CLPTM1L: variants seen among roughly 807,000 people sequenced by gnomAD.
The protein encoded by CLPTM1L is CLPTM1 like, also known as lipid scramblase CLPTM1L.
CLPTM1L carries 38 observed loss-of-function variants against 70.9 expected under a neutral mutation model. That is an observed-to-expected ratio of 0.54 (90% CI 0.41 to 0.70). The LOEUF is 0.70. CLPTM1L is among the 30% of genes least tolerant of loss of function. The probability of loss-of-function intolerance (pLI) is 0.00; values close to 1 mark genes in which losing one functional copy is unlikely to be tolerated. For synonymous variants in CLPTM1L, 339 were observed against 299.9 expected (o/e 1.13, Z -1.35); for missense variants, 652 against 705.9 (o/e 0.92, Z 0.87).
intron 4 of CLPTM1L, 147 bp downstream of exon 4, chr5:1,338,713 G>A (rs1292393889): frequency 1.2e-6 from 1 of 833,058 alleles, no homozygotes; most frequent in South Asian, 1.8e-5. Context: ...CCTCAATGAG[G>A]AAGTGGGAAA....
At chr5:1,324,491 C>T (rs967335897) in intron 11 of CLPTM1L, among the ~76,000 whole-genome samples, 12 of 152,212 alleles carry the variant, frequency 7.9e-5, no homozygotes, top group South Asian at 2.1e-4. Flanking sequence ...AGCTGCCTGG[C>T]GAATGTGACT....
At chr5:1,325,689 C>T (rs1019579231) in intron 10 of CLPTM1L, 62 bp downstream of exon 10, 5 of 1,441,040 alleles carry the variant, frequency 3.5e-6, no homozygotes, top group Admixed American at 3.5e-5. Context: ...ACTCTTTGCA[C>T]AGGGGGCAAA....
Position 1,334,373 on chromosome 5 carries a change from C to A in CLPTM1L, c.807G>T (p.Glu269Asp), listed in dbSNP as rs202176072. Reference protein sequence around the residue: ...VYSLQQFGFSEKDADEVKGIF... With the variant: ...VYSLQQFGFSDKDADEVKGIF... ...TTCCTTTCACCTCATCAGCATCTTTCTCTGAAAACCCTGTCAAGGAAAAAA... is the reference window on the plus strand; with the variant it reads ...TTCCTTTCACCTCATCAGCATCTTTATCTGAAAACCCTGTCAAGGAAAAAA... Residue 269 changes from glutamate (E) to aspartate (D), a missense_variant, in exon 7 of 17, where the codon GAG becomes GAT. Physicochemically the swap from Glu to Asp is conservative, Grantham distance 45. Transcript: ENST00000320895. The A allele has an allele frequency of 5.6e-4, 894 of 1,593,876 alleles. No individual in the cohort carries two copies. Among genetic ancestry groups the A allele is most frequent in the Middle Eastern group, 5.0e-4 (3 of 6,024 alleles).
intron 10 of CLPTM1L, chr5:1,325,468 G>C (rs1752465550): frequency 4.0e-6 from 2 of 502,436 alleles, no homozygotes; most frequent in Admixed American, 3.3e-5. Context: ...CCAAAACGAA[G>C]CACACGTGCT....
Position 1,331,894 on chromosome 5 carries a change from C to A in CLPTM1L, c.892-11G>T. On this transcript the variant is annotated splice_polypyrimidine_tract_variant and intron_variant, in intron 7 of 16. Transcript: ENST00000320895. ...GAAATCAAAGAGAAGCTAGAGAGAA[C>A]ACACACGACAGCAACTCACATCTCC... The A allele has an allele frequency of 6.2e-7, 1 of 1,608,708 alleles. No individual in the cohort carries two copies. Among genetic ancestry groups the A allele is most frequent in the South Asian group, 1.1e-5 (1 of 90,992 alleles).
Position 1,342,433 on chromosome 5 carries a change from A to G in CLPTM1L, c.264-573T>C, listed in dbSNP as rs187568602. Among the ~76,000 whole-genome samples, 66 of 152,334 alleles carry G rather than the reference A, an allele frequency of 4.3e-4. No individual in the cohort carries two copies. Among genetic ancestry groups the G allele is most frequent in the African/African-American group, 1.5e-3 (63 of 41,570 alleles). On this transcript the variant is annotated intron_variant, in intron 2 of 16. Transcript: ENST00000320895. This position sits in a 1 kb window ranked among gnomAD's most constrained non-coding sequence, Gnocchi z 4.3. ...CAGTCCTGACTGTGTGGCATCCAGCACGAGCTGAGGAAAGGCCCGGCGAGC... is the reference window on the plus strand; with the variant it reads ...CAGTCCTGACTGTGTGGCATCCAGCGCGAGCTGAGGAAAGGCCCGGCGAGC...
At chr5:1,330,666 G>A in intron 8 of CLPTM1L, 1 of 454,740 alleles carries the variant, frequency 2.2e-6, no homozygotes, top group Non-Finnish European at 4.0e-6. Flanking sequence ...GCAGAGGTCG[G>A]ATGACGGGGC....
At chr5:1,339,294 C>A (rs879232115) in intron 3 of CLPTM1L, among the ~76,000 whole-genome samples, 53 of 147,562 alleles carry the variant, frequency 3.6e-4, no homozygotes, top group African/African-American at 1.1e-3. Flanking sequence ...GATGGCCACA[C>A]AGACTGGCAA....
chr5:1,323,957 A>G, intron 11 of CLPTM1L, 88 bp from the exon 12 acceptor site: 2 of 1,032,476 alleles, frequency 1.9e-6, no homozygotes, highest in South Asian at 1.3e-5. Context: ...CGACAGGGAC[A>G]GACAGAACGA....
chr5:1,341,553 G>C (rs1246245964), intron 3 of CLPTM1L, 118 bp downstream of exon 3: 2 of 786,566 alleles, frequency 2.5e-6, no homozygotes, highest in Non-Finnish European at 4.1e-6. Context: ...AATGGCTTTT[G>C]GCTTTACTCC....
At chr5:1,333,748 G>A (rs964200625) in intron 7 of CLPTM1L, among the ~76,000 whole-genome samples, 81 of 106,706 alleles carry the variant, frequency 7.6e-4, no homozygotes, top group Non-Finnish European at 8.8e-4. Context: ...GATAAGGGGG[G>A]ACTACTGTAT....
intron 4 of CLPTM1L, 96 bp from the exon 5 acceptor site, chr5:1,338,078 C>T: frequency 3.1e-6 from 3 of 954,608 alleles, no homozygotes; most frequent in Non-Finnish European, 5.0e-6. Flanking sequence ...CAGAGAAGTG[C>T]CCCCAGCACC....
chr5:1,335,324 CCTT>C, intron 5 of CLPTM1L, 150 bp from the exon 6 acceptor site: 5 of 680,722 alleles, frequency 7.3e-6, no homozygotes, highest in Non-Finnish European at 1.1e-5. Context: ...CCCGGTCCCT[CCTT>C]CTGTCACCAC....
intron 10 of CLPTM1L, 102 bp from the exon 11 acceptor site, chr5:1,324,915 C>G (rs540755114): frequency 1.0e-5 from 11 of 1,092,244 alleles, no homozygotes; most frequent in Admixed American, 3.4e-5. Flanking sequence ...AGAGCTGACC[C>G]AGGCCTCACT....
At chr5:1,325,247 C>T in intron 10 of CLPTM1L, 1 of 252,064 alleles carries the variant, frequency 4.0e-6, no homozygotes, top group Non-Finnish European at 7.6e-6. Flanking sequence ...CAGCCTGTGA[C>T]TGCTGAGGGC....
chr5:1,332,055 A>T, intron 7 of CLPTM1L, 172 bp from the exon 8 acceptor site: 1 of 620,824 alleles, frequency 1.6e-6, no homozygotes, highest in Non-Finnish European at 2.9e-6. Flanking sequence ...CTGGCCTGCC[A>T]TGTCAGAACC....
intron 5 of CLPTM1L, 74 bp downstream of exon 5, chr5:1,337,830 G>A (rs1753672610): frequency 1.8e-5 from 22 of 1,190,300 alleles, no homozygotes; most frequent in South Asian, 1.2e-4. Flanking sequence ...CCATTAGGGT[G>A]CAGGGGCTGC....
Position 1,318,562 on chromosome 5 carries a change from C to G in CLPTM1L, c.1533-109G>C, listed in dbSNP as rs1030907068. The G allele has an allele frequency of 1.2e-6, 1 of 857,906 alleles. No homozygotes were observed. The highest frequency in any genetic ancestry group is 2.6e-5 in the East Asian group (1 of 38,746). 53.1% of individuals were successfully genotyped at this position (857,906 alleles called of 1,614,324 possible). A position where few individuals can be genotyped will look rare whatever the true frequency, so the allele number is the denominator to read the frequency against. ...TTTTCCAGTGAGCTGCCACAGTGAG[C>G]AAATTAACTAAAAAGTCGAATCCTC... is the stretch of plus-strand genomic sequence containing the variant. On this transcript the variant is annotated intron_variant, in intron 16 of 16. Coordinates refer to ENST00000320895, the MANE Select transcript of CLPTM1L (RefSeq NM_030782.5). The surrounding 1 kb of genome is among the most constrained non-coding windows in gnomAD (Gnocchi z 8.9).
At chr5:1,330,951 A>C (rs916648514) in intron 8 of CLPTM1L, 1 of 152,982 alleles carries the variant, frequency 6.5e-6, no homozygotes. Flanking sequence ...AACAACGCAG[A>C]ACACGGCACG....
Sources: allele counts gnomAD v4.1 joint callset (sites outside exome capture counted in the v4.1 genomes callset), GRCh38; gene constraint gnomAD v4.1.1; non-coding constraint Gnocchi (gnomAD v3.1); transcripts MANE v1.5; gene names NCBI Gene and HGNC (gene_info 2026-07-23, HGNC 2026-07-21).